Variants in COL28A1 observed in about 807,000 individuals in gnomAD.
COL28A1 encodes the protein collagen alpha-1(XXVIII) chain.
In COL28A1, 161 loss-of-function variants were observed where a neutral mutation model predicts 150.2. That is an observed-to-expected ratio of 1.07 (90% CI 0.94 to 1.22). COL28A1 has a LOEUF of 1.22. COL28A1 is among the 50% of genes most tolerant of loss of function. The probability of loss-of-function intolerance (pLI) is 0.00; values close to 1 mark genes in which losing one functional copy is unlikely to be tolerated. For synonymous variants in COL28A1, 552 were observed against 469.7 expected (o/e 1.18, Z -2.26); for missense variants, 1,617 against 1,388.3 (o/e 1.16, Z -2.62).
chr7:7,514,654 C>T (rs1050534851), intron 8 of COL28A1, among the ~76,000 whole-genome samples: 1 of 152,162 alleles, frequency 6.6e-6, no homozygotes, highest in African/African-American at 2.4e-5. Flanking sequence ...TGGCTTCCTT[C>T]CTTAACAAAT....
chr7:7,437,278 G>A (rs980184474), intron 22 of COL28A1, 116 bp downstream of exon 22: 35 of 1,414,776 alleles, frequency 2.5e-5, no homozygotes, highest in Non-Finnish European at 3.2e-5. Flanking sequence ...AGAGTTAAAC[G>A]GAATCATTTC....
chr7:7,391,282 C>G (rs557509018), intron 27 of COL28A1, among the ~76,000 whole-genome samples: 7 of 152,062 alleles, frequency 4.6e-5, no homozygotes, highest in African/African-American at 1.7e-4. Context: ...TGTAGATGTG[C>G]GGTTTTGAGT....
chr7:7,482,843 G>A (rs1001937436), intron 13 of COL28A1, among the ~76,000 whole-genome samples: 13 of 152,114 alleles, frequency 8.5e-5, no homozygotes, highest in Non-Finnish European at 1.8e-4. Flanking sequence ...ATCAAAACTC[G>A]AGAACTCTAG....
At chr7:7,354,925 T>C (rs1283920935), downstream of COL28A1, among the ~76,000 whole-genome samples, 1 of 152,042 alleles carries the variant, frequency 6.6e-6, no homozygotes, top group East Asian at 1.9e-4. Flanking sequence ...GGCACGAAGA[T>C]GGTTATCTAG....
At chr7:7,415,082 A>G (rs1298420098) in intron 27 of COL28A1, among the ~76,000 whole-genome samples, 1 of 152,188 alleles carries the variant, frequency 6.6e-6, no homozygotes, top group East Asian at 1.9e-4. Context: ...TCTAGCAACT[A>G]AGTTAGGTTG....
intron 11 of COL28A1, among the ~76,000 whole-genome samples, chr7:7,505,175 T>G (rs548079956): frequency 6.6e-6 from 1 of 152,290 alleles, no homozygotes; most frequent in Admixed American, 6.5e-5. Context: ...CTCTTTCCTC[T>G]CTCTCAAGTA....
At chr7:7,342,062 C>A in the COL28A1 span, among the ~76,000 whole-genome samples, 93,426 of 152,046 alleles carry the variant, frequency 0.61, 32,788 homozygotes, top group East Asian at 0.87. Flanking sequence ...GATTTTGGCT[C>A]CGCCTATTTC....
At chr7:7,434,525 A>G (rs1583361653) in intron 23 of COL28A1, among the ~76,000 whole-genome samples, 1 of 152,244 alleles carries the variant, frequency 6.6e-6, no homozygotes, top group African/African-American at 2.4e-5. Flanking sequence ...ATCAAAATTT[A>G]CTTTTCAGTT....
At chr7:7,421,387 T>G (rs964827268) in intron 25 of COL28A1, among the ~76,000 whole-genome samples, 3 of 152,182 alleles carry the variant, frequency 2.0e-5, no homozygotes, top group Admixed American at 2.0e-4. Context: ...GATGGCTGTA[T>G]AGCTTAGTAG....
In COL28A1 at chr7:7,531,528, C is replaced by G. The variant is rs1782353762; in HGVS notation, c.501G>C (p.Lys167Asn). ...LLMTDGIDHP[K>N]NPDVQSISED... ...CAGAAATACTTTGAACATCTGGATTCTTTGGATGGTCGATGCCATCAGTCA... is the reference window on the plus strand; with the variant it reads ...CAGAAATACTTTGAACATCTGGATTGTTTGGATGGTCGATGCCATCAGTCA... Residue 167 changes from lysine to asparagine, a missense_variant, in exon 3 of 35, where the codon AAG becomes AAC. Transcript: ENST00000399429. The G allele has an allele frequency of 1.2e-6, 2 of 1,611,874 alleles. No individual in the cohort carries two copies. Among genetic ancestry groups the G allele is most frequent in the Non-Finnish European group, 1.7e-6 (2 of 1,178,272 alleles).
intron 16 of COL28A1, 55 bp downstream of exon 16, chr7:7,455,989 C>T: frequency 6.2e-7 from 1 of 1,605,328 alleles, no homozygotes; most frequent in East Asian, 2.2e-5. Context: ...CAATGAAGAC[C>T]AGGATTGGGC....
intron 25 of COL28A1, among the ~76,000 whole-genome samples, chr7:7,427,697 T>C (rs955151134): frequency 2.6e-5 from 4 of 152,232 alleles, no homozygotes; most frequent in Admixed American, 6.5e-5. Context: ...AAATAAAGCA[T>C]GTATTTACAA....
intron 25 of COL28A1, among the ~76,000 whole-genome samples, chr7:7,423,658 G>C (rs74975519): frequency 3.9e-5 from 6 of 152,138 alleles, no homozygotes; most frequent in African/African-American, 1.4e-4. Context: ...TTTAATTCAT[G>C]ATTTTTTTTG....
chr7:7,480,179 T>C (rs975642065), intron 13 of COL28A1, among the ~76,000 whole-genome samples: 2 of 152,240 alleles, frequency 1.3e-5, no homozygotes, highest in African/African-American at 2.4e-5. Flanking sequence ...TGACTGATCA[T>C]AGTTATAGAT....
Position 7,373,375 on chromosome 7 carries a change from T to C in COL28A1, c.2531A>G (p.His844Arg), listed in dbSNP as rs751282721. 3 of 1,614,216 alleles carry C rather than the reference T, an allele frequency of 1.9e-6. No individual in the cohort carries two copies. The highest frequency in any genetic ancestry group is 2.2e-5 in the South Asian group (2 of 91,084). ...TARIGIINYS[H>R]KVEKVANLKQ... ...CAAATTAGCCACCTTCTCCACCTTA[T>C]GGCTATAGTTGATTATGCCTATGCG... Residue 844 changes from histidine (H) to arginine (R), a missense_variant, in exon 32 of 35, where the codon CAT becomes CGT. Transcript: ENST00000399429. This position sits in a 1 kb window ranked among gnomAD's most constrained non-coding sequence, Gnocchi z 4.1.
chr7:7,447,458 A>T (rs1016109625), intron 18 of COL28A1, among the ~76,000 whole-genome samples: 17 of 151,480 alleles, frequency 1.1e-4, no homozygotes, highest in Non-Finnish European at 2.1e-4. Context: ...AAAATAAAAA[A>T]TAGGCGTTCA....
chr7:7,365,031 C>T (rs2088166674), intron 33 of COL28A1, among the ~76,000 whole-genome samples: 1 of 152,014 alleles, frequency 6.6e-6, no homozygotes, highest in South Asian at 2.1e-4. Flanking sequence ...AAAATTAGGC[C>T]CTAACATGAC....
chr7:7,448,098 G>A (rs530421273), intron 18 of COL28A1, among the ~76,000 whole-genome samples: 13 of 152,262 alleles, frequency 8.5e-5, no homozygotes, highest in African/African-American at 2.9e-4. Flanking sequence ...AAGTAACACT[G>A]GAGTTCCTGA....
intron 27 of COL28A1, among the ~76,000 whole-genome samples, chr7:7,387,703 G>A (rs1463513424): frequency 6.6e-6 from 1 of 151,920 alleles, no homozygotes; most frequent in African/African-American, 2.4e-5. Context: ...AACTTTTTTT[G>A]CAAGTCTGAA....
Sources: allele counts gnomAD v4.1 joint callset (sites outside exome capture counted in the v4.1 genomes callset), GRCh38; gene constraint gnomAD v4.1.1; non-coding constraint Gnocchi (gnomAD v3.1); transcripts MANE v1.5; gene names NCBI Gene and HGNC (gene_info 2026-07-23, HGNC 2026-07-21).